The following ANKRD30B variants were observed in gnomAD, a reference collection of about 807,000 sequenced individuals.
ANKRD30B encodes the protein ankyrin repeat domain 30B.
In ANKRD30B, 144 loss-of-function variants were observed where a neutral mutation model predicts 202.2. That is an observed-to-expected ratio of 0.71 (90% CI 0.62 to 0.82). ANKRD30B has a LOEUF of 0.82. Among genes scored for constraint, ANKRD30B ranks in the 40% least tolerant of loss-of-function variants. ANKRD30B has a pLI of 0.00. For missense variants in ANKRD30B, 1,487 were observed against 1,669.1 expected (o/e 0.89, Z 1.90); for synonymous variants, 508 against 561.3 (o/e 0.91, Z 1.34).
chr18:14,776,886 C>T (rs1967388659), intron 9 of ANKRD30B, among the ~76,000 whole-genome samples: 1 of 152,178 alleles, frequency 6.6e-6, no homozygotes, highest in African/African-American at 2.4e-5. Flanking sequence ...ATTTTAAGCC[C>T]TTGTTTTCCT....
At chr18:14,921,219 G>GCA in the ANKRD30B span, among the ~76,000 whole-genome samples, 681 of 70,314 alleles carry the variant, frequency 9.7e-3, 1 homozygote, top group African/African-American at 0.013. Context: ...CATGAGGCAT[G>GCA]TGTTTAGATA....
At chr18:14,790,107 T>C (rs1465804249) in intron 15 of ANKRD30B, among the ~76,000 whole-genome samples, 1 of 152,200 alleles carries the variant, frequency 6.6e-6, no homozygotes, top group Non-Finnish European at 1.5e-5. Context: ...GTCCTTCATG[T>C]CCCTTGTAAG....
At chr18:14,855,531 G>A (rs557911456), downstream of ANKRD30B, among the ~76,000 whole-genome samples, 12 of 151,496 alleles carry the variant, frequency 7.9e-5, no homozygotes, top group Admixed American at 2.0e-4. Context: ...GCTGGGCAGA[G>A]GCGCTCCTCA....
At position 14,828,320 on chromosome 18, in the gene ANKRD30B, C is replaced by T. The variant is rs926560569; in HGVS notation, c.2774+12C>T. 28 of 1,526,936 alleles carry T rather than the reference C, an allele frequency of 1.8e-5. No homozygotes were observed. The highest frequency in any genetic ancestry group is 1.7e-4 in the Middle Eastern group (1 of 5,870). The allele number at this position is 1,526,936 out of a possible 1,614,324, so 94.6% of individuals were successfully genotyped here. A position where few individuals can be genotyped will look rare whatever the true frequency, so the allele number is the denominator to read the frequency against. On this transcript the variant is annotated intron_variant, in intron 33 of 43. Coordinates refer to ENST00000690538, the MANE Select transcript of ANKRD30B (RefSeq NM_001367607.2). Reference sequence around the variant, plus strand: ...GAGTCCACATTCAGGTAAGACTTTGCGGTTTTTTAAAACGTATATGTTAAC... The same window carrying T: ...GAGTCCACATTCAGGTAAGACTTTGTGGTTTTTTAAAACGTATATGTTAAC...
the ANKRD30B span, among the ~76,000 whole-genome samples, chr18:14,873,012 A>G: frequency 6.6e-6 from 1 of 152,080 alleles, no homozygotes; most frequent in Non-Finnish European, 1.5e-5. Flanking sequence ...GGAGAGTGAA[A>G]CCACCAGAAT....
intron 11 of ANKRD30B, among the ~76,000 whole-genome samples, chr18:14,780,622 A>G (rs535471427): frequency 6.6e-6 from 1 of 152,396 alleles, no homozygotes; most frequent in South Asian, 2.1e-4. Flanking sequence ...AAATTAAAGA[A>G]TTACTCTGAG....
chr18:14,842,120 T>C (rs1415148405), intron 37 of ANKRD30B, among the ~76,000 whole-genome samples: 2 of 152,124 alleles, frequency 1.3e-5, no homozygotes, highest in African/African-American at 4.8e-5. Context: ...AAATATTGTC[T>C]GATTTAAAAA....
chr18:14,803,723 A>T lies in ANKRD30B; in HGVS notation c.2194-11A>T. 1 of 1,584,240 alleles carries T rather than the reference A, an allele frequency of 6.3e-7. No homozygotes were observed. The highest frequency in any genetic ancestry group is 8.6e-7 in the Non-Finnish European group (1 of 1,163,504). ...TCCATTGAAATTATTTATTGATATTACTTTTAACAGAGTTTCCTTGAGACT... is the reference window on the plus strand; with the variant it reads ...TCCATTGAAATTATTTATTGATATTTCTTTTAACAGAGTTTCCTTGAGACT... On this transcript the variant is annotated splice_polypyrimidine_tract_variant and intron_variant, in intron 23 of 43. Coordinates refer to ENST00000690538, the MANE Select transcript of ANKRD30B (RefSeq NM_001367607.2).
the ANKRD30B span, among the ~76,000 whole-genome samples, chr18:14,930,337 T>A: frequency 1.4e-5 from 2 of 143,772 alleles, no homozygotes; most frequent in Non-Finnish European, 3.0e-5. Context: ...GGCAGGGCAG[T>A]GAGTTTCTGG....
At chr18:14,787,988 A>G (rs939561702) in intron 15 of ANKRD30B, among the ~76,000 whole-genome samples, 5 of 152,214 alleles carry the variant, frequency 3.3e-5, no homozygotes, top group Non-Finnish European at 7.3e-5. Flanking sequence ...TTCTATCATC[A>G]TAAATTTTGT....
At chr18:14,904,534 T>G in the ANKRD30B span, among the ~76,000 whole-genome samples, 1 of 152,082 alleles carries the variant, frequency 6.6e-6, no homozygotes, top group African/African-American at 2.4e-5. Context: ...TTGATCTTTT[T>G]CTATTCCTCA....
intron 6 of ANKRD30B, among the ~76,000 whole-genome samples, chr18:14,762,587 C>G (rs1915426356): frequency 6.6e-6 from 1 of 152,122 alleles, no homozygotes; most frequent in Non-Finnish European, 1.5e-5. Context: ...GTATGTTGTT[C>G]TATCTACTGG....
chr18:14,840,809 A>T (rs1971389521), intron 37 of ANKRD30B, 131 bp downstream of exon 37: 1 of 488,164 alleles, frequency 2.0e-6, no homozygotes, highest in Admixed American at 3.9e-5. Flanking sequence ...AGGCAGTGAA[A>T]GTTATGTGTC....
At chr18:14,798,490 G>T (rs1483339951) in intron 20 of ANKRD30B, among the ~76,000 whole-genome samples, 2 of 152,220 alleles carry the variant, frequency 1.3e-5, no homozygotes, top group East Asian at 1.9e-4. Flanking sequence ...AGCAAAAGCT[G>T]GTTACAAACA....
intron 32 of ANKRD30B, among the ~76,000 whole-genome samples, chr18:14,826,099 T>C (rs1369368489): frequency 6.6e-6 from 1 of 152,048 alleles, no homozygotes; most frequent in Non-Finnish European, 1.5e-5. Context: ...TGGTTGGAGA[T>C]GCAGGCTTAG....
the ANKRD30B span, among the ~76,000 whole-genome samples, chr18:14,868,358 C>T: frequency 2.0e-5 from 3 of 152,402 alleles, no homozygotes; most frequent in East Asian, 5.8e-4. Context: ...CTTCTGCTGG[C>T]ATCTGAGCCA....
intron 7 of ANKRD30B, among the ~76,000 whole-genome samples, chr18:14,765,784 CTAT>C (rs1916032171): frequency 1.3e-5 from 2 of 152,184 alleles, no homozygotes; most frequent in South Asian, 4.1e-4. Flanking sequence ...TAGTATCAGT[CTAT>C]TATGAAAATT....
At chr18:14,910,923 T>G in the ANKRD30B span, among the ~76,000 whole-genome samples, 1 of 152,188 alleles carries the variant, frequency 6.6e-6, no homozygotes, top group East Asian at 1.9e-4. Context: ...TTGTATGTCT[T>G]CCTTTGAAAA....
chr18:14,871,172 C>A, the ANKRD30B span, among the ~76,000 whole-genome samples: 428 of 125,886 alleles, frequency 3.4e-3, 9 homozygotes, highest in Non-Finnish European at 6.0e-3. Context: ...CCCACACCGG[C>A]ACACCCTCAC....
Sources: allele counts gnomAD v4.1 joint callset (sites outside exome capture counted in the v4.1 genomes callset), GRCh38; gene constraint gnomAD v4.1.1; transcripts MANE v1.5; gene names NCBI Gene and HGNC (gene_info 2026-07-23, HGNC 2026-07-21).